TSHZ2: variants seen among roughly 807,000 people sequenced by gnomAD.
TSHZ2 encodes teashirt zinc finger homeobox 2.
In TSHZ2, 21 loss-of-function variants were observed where a neutral mutation model predicts 74.4. The observed-to-expected ratio is 0.28, with a 90% CI of 0.20 to 0.41. TSHZ2 has a LOEUF of 0.41. Among genes scored for constraint, TSHZ2 ranks in the 10% least tolerant of loss-of-function variants. The pLI is 1.00. For synonymous variants in TSHZ2, 540 were observed against 515.3 expected, an observed-to-expected ratio of 1.05 and a Z score of -0.65; for missense variants, 1,244 against 1,293.5, an observed-to-expected ratio of 0.96 and a Z score of 0.59.
At chr20:53,076,632 A>C (rs1360305644) in intron 1 of TSHZ2, among the ~76,000 whole-genome samples, 1 of 152,210 alleles carries the variant, frequency 6.6e-6, no homozygotes, top group Non-Finnish European at 1.5e-5. Context: ...AAAAAAGAAA[A>C]AAACAGCACT....
At position 53,491,549 on chromosome 20, in the gene TSHZ2, C is replaced by G; in HGVS notation, c.*4414C>G. On this transcript the variant is annotated 3_prime_UTR_variant, in exon 3 of 3. Transcript: ENST00000371497. Reference sequence around the variant, plus strand: ...AAAAGCCACTTATCTCCTTTGGTTCCCAGTGACAGATTCAGAGGCATACGC... The same window carrying G: ...AAAAGCCACTTATCTCCTTTGGTTCGCAGTGACAGATTCAGAGGCATACGC... 6.6e-6 allele frequency: 1 copy of G among 152,094 alleles called. No individual in the cohort carries two copies. The allele number at this position is 152,094 out of a possible 1,614,324, so 9.4% of individuals were successfully genotyped here. A position where few individuals can be genotyped will look rare whatever the true frequency, so the allele number is the denominator to read the frequency against.
Position 53,488,271 on chromosome 20 carries a change from T to C in TSHZ2, c.*1136T>C, listed in dbSNP as rs532422339. ...AGTTAATTTAACGTAAAAATTCCAA[T>C]AGAACTGTATTAGATTTTCTCCATT... is the stretch of plus-strand genomic sequence containing the variant. On this transcript the variant is annotated 3_prime_UTR_variant, in exon 3 of 3. Transcript: ENST00000371497. 2 of 152,318 alleles carry C rather than the reference T, an allele frequency of 1.3e-5. No homozygotes were observed. Among genetic ancestry groups the C allele is most frequent in the African/African-American group, 2.4e-5 (1 of 41,566 alleles). 9.4% of individuals were successfully genotyped at this position (152,318 alleles called of 1,614,324 possible). A position where few individuals can be genotyped will look rare whatever the true frequency, so the allele number is the denominator to read the frequency against.
At chr20:53,374,289 G>C (rs1211497885) in intron 2 of TSHZ2, among the ~76,000 whole-genome samples, 1 of 152,116 alleles carries the variant, frequency 6.6e-6, no homozygotes, top group Non-Finnish European at 1.5e-5. Flanking sequence ...ATGGCCTCCA[G>C]CTCCATCCAT....
intron 1 of TSHZ2, among the ~76,000 whole-genome samples, chr20:53,032,744 ATT>A (rs145684258): frequency 0.018 from 2,685 of 145,790 alleles, 65 homozygotes; most frequent in African/African-American, 0.061. Context: ...CCATGTCCTG[ATT>A]TTTTTTTTTT....
chr20:53,160,843 GC>G (rs1046664904), intron 1 of TSHZ2, among the ~76,000 whole-genome samples: 3 of 151,372 alleles, frequency 2.0e-5, no homozygotes, highest in Non-Finnish European at 4.4e-5. Context: ...CTCACCATAG[GC>G]CCATCTTCTT....
At chr20:53,180,816 A>T (rs1988449892) in intron 1 of TSHZ2, among the ~76,000 whole-genome samples, 1 of 152,198 alleles carries the variant, frequency 6.6e-6, no homozygotes, top group Non-Finnish European at 1.5e-5. Context: ...GTTAACACAA[A>T]GCAAAAAGGG....
At chr20:53,351,842 G>A (rs1176178875) in intron 2 of TSHZ2, among the ~76,000 whole-genome samples, 1 of 152,146 alleles carries the variant, frequency 6.6e-6, no homozygotes, top group Non-Finnish European at 1.5e-5. Context: ...AGAGAGATTT[G>A]AGTTCAAATT....
At chr20:53,166,093 G>A (rs961979040) in intron 1 of TSHZ2, among the ~76,000 whole-genome samples, 2 of 152,208 alleles carry the variant, frequency 1.3e-5, no homozygotes, top group African/African-American at 4.8e-5. Flanking sequence ...AGAATGGGCT[G>A]TGACGACAAC....
chr20:53,376,225 G>A (rs156617), intron 2 of TSHZ2, among the ~76,000 whole-genome samples: 66,159 of 152,098 alleles, frequency 0.43, 16,598 homozygotes, highest in Non-Finnish European at 0.58. Context: ...GTCATGCATA[G>A]GGTGGCCAAC....
intron 2 of TSHZ2, among the ~76,000 whole-genome samples, chr20:53,309,050 A>G (rs996114064): frequency 2.0e-5 from 3 of 152,268 alleles, no homozygotes; most frequent in Non-Finnish European, 2.9e-5. Flanking sequence ...TTTGTTCGCC[A>G]ACAGGCAAGA....
In TSHZ2 at chr20:53,081,897, C is replaced by CTT. The variant is rs11449860; in HGVS notation, c.40+108577_40+108578dup. Among the ~76,000 whole-genome samples, 422 of 142,958 alleles carry CTT rather than the reference C, an allele frequency of 3.0e-3. 3 individuals are homozygous for CTT. The highest frequency in any genetic ancestry group is 0.019 in the South Asian group (85 of 4,478). The allele number at this position is 142,958 out of a possible 152,430, so 93.8% of individuals were successfully genotyped here. ...TAAGTATGAAACAAATATGTTTATTCTTTTTTTTTTTTTTCTGAGACAGAG... is the reference window on the plus strand; with the variant it reads ...TAAGTATGAAACAAATATGTTTATTCTTTTTTTTTTTTTTTTCTGAGACAGAG... On this transcript the variant is annotated intron_variant, in intron 1 of 2. Coordinates refer to ENST00000371497, the MANE Select transcript of TSHZ2 (RefSeq NM_173485.6).
chr20:53,361,719 A>G (rs1981059895), intron 2 of TSHZ2, among the ~76,000 whole-genome samples: 1 of 152,228 alleles, frequency 6.6e-6, no homozygotes, highest in Admixed American at 6.5e-5. Flanking sequence ...GTCAGAGGCC[A>G]GAGGTGCTAA....
At chr20:53,044,954 C>T (rs911231451) in intron 1 of TSHZ2, among the ~76,000 whole-genome samples, 4 of 152,142 alleles carry the variant, frequency 2.6e-5, no homozygotes, top group African/African-American at 9.7e-5. Context: ...TCGAGTGATC[C>T]TCCCAGAGTG....
chr20:53,321,759 G>T (rs958803832), intron 2 of TSHZ2, among the ~76,000 whole-genome samples: 1 of 151,572 alleles, frequency 6.6e-6, no homozygotes, highest in Non-Finnish European at 1.5e-5. Flanking sequence ...GAGACACCAA[G>T]CAAATTGAAG....
At chr20:53,230,447 A>T (rs1296577169) in intron 1 of TSHZ2, among the ~76,000 whole-genome samples, 1 of 152,202 alleles carries the variant, frequency 6.6e-6, no homozygotes, top group Non-Finnish European at 1.5e-5. Flanking sequence ...TATCTGGCAC[A>T]CAGACATCAA....
chr20:53,243,115 C>T (rs1990110717), intron 1 of TSHZ2, among the ~76,000 whole-genome samples: 1 of 151,868 alleles, frequency 6.6e-6, no homozygotes, highest in Non-Finnish European at 1.5e-5. Flanking sequence ...CGACGAAAGG[C>T]ATTGGAGCTG....
chr20:53,407,304 C>T (rs1982889219), intron 2 of TSHZ2, among the ~76,000 whole-genome samples: 1 of 152,184 alleles, frequency 6.6e-6, no homozygotes, highest in Non-Finnish European at 1.5e-5. Context: ...CAAAACAATG[C>T]TCTTCTGTGA....
At chr20:53,111,075 C>A (rs1986521414) in intron 1 of TSHZ2, among the ~76,000 whole-genome samples, 1 of 152,012 alleles carries the variant, frequency 6.6e-6, no homozygotes, top group African/African-American at 2.4e-5. Context: ...AAATGAGGAG[C>A]CCAGGCAGGA....
At chr20:53,289,356 G>A (rs972060190) in intron 2 of TSHZ2, among the ~76,000 whole-genome samples, 1 of 152,190 alleles carries the variant, frequency 6.6e-6, no homozygotes, top group African/African-American at 2.4e-5. Context: ...TCATTAAATG[G>A]TAGTTCTATT....
Sources: allele counts gnomAD v4.1 joint callset (sites outside exome capture counted in the v4.1 genomes callset), GRCh38; gene constraint gnomAD v4.1.1; transcripts MANE v1.5; gene names NCBI Gene and HGNC (gene_info 2026-07-23, HGNC 2026-07-21).